Variants in GRM7 observed in about 807,000 individuals in gnomAD.
GRM7 encodes the protein glutamate metabotropic receptor 7, also known as metabotropic glutamate receptor 7.
In GRM7, 35 loss-of-function variants were observed where a neutral mutation model predicts 84.5. That is an observed-to-expected ratio of 0.41 (90% CI 0.32 to 0.55). The LOEUF (loss-of-function observed/expected upper bound fraction) is 0.55, where lower values mean the gene tolerates loss of function less well. Among genes scored for constraint, GRM7 ranks in the 20% least tolerant of loss-of-function variants. The pLI, the probability that GRM7 is intolerant of heterozygous loss-of-function variation, is 0.19. For missense variants in GRM7, 1,003 were observed against 1,194.6 expected (o/e 0.84, Z 2.36); for synonymous variants, 487 against 455.1 (o/e 1.07, Z -0.89).
chr3:6,881,728 T>C (rs1695516865), intron 1 of GRM7, among the ~76,000 whole-genome samples: 1 of 152,068 alleles, frequency 6.6e-6, no homozygotes, highest in Non-Finnish European at 1.5e-5. Context: ...AAATCAAATA[T>C]ACATTCTTAT....
chr3:6,873,375 T>C (rs1695196125), intron 1 of GRM7, among the ~76,000 whole-genome samples: 1 of 152,144 alleles, frequency 6.6e-6, no homozygotes, highest in Admixed American at 6.5e-5. Flanking sequence ...GGCCAGCCAG[T>C]AATTTTTGTA....
intron 5 of GRM7, among the ~76,000 whole-genome samples, chr3:7,418,616 G>A (rs1444634689): frequency 6.6e-6 from 1 of 152,100 alleles, no homozygotes; most frequent in Non-Finnish European, 1.5e-5. Context: ...TCACCCTTGA[G>A]ACTTGCCAGG....
intron 9 of GRM7, among the ~76,000 whole-genome samples, chr3:7,710,032 C>T (rs1655794083): frequency 6.6e-6 from 1 of 152,022 alleles, no homozygotes; most frequent in African/African-American, 2.4e-5. Flanking sequence ...AATGCTGCCC[C>T]ACTTCTTGGG....
intron 9 of GRM7, among the ~76,000 whole-genome samples, chr3:7,698,049 G>A (rs1040379364): frequency 4.6e-5 from 7 of 152,240 alleles, no homozygotes; most frequent in Non-Finnish European, 1.0e-4. Flanking sequence ...CTGCATGGAA[G>A]GCTGAGATAG....
chr3:7,248,016 C>A (rs187600557), intron 2 of GRM7, among the ~76,000 whole-genome samples: 1 of 151,988 alleles, frequency 6.6e-6, no homozygotes, highest in Non-Finnish European at 1.5e-5. Flanking sequence ...TTACACTTTA[C>A]GGGTGAGAGT....
intron 9 of GRM7, among the ~76,000 whole-genome samples, chr3:7,724,990 T>A (rs1209633223): frequency 6.6e-6 from 1 of 152,144 alleles, no homozygotes; most frequent in East Asian, 1.9e-4. Flanking sequence ...TTAGTGCCCA[T>A]GCTATTCTCA....
intron 7 of GRM7, among the ~76,000 whole-genome samples, chr3:7,473,293 C>T (rs891214418): frequency 6.6e-6 from 1 of 152,016 alleles, no homozygotes; most frequent in Non-Finnish European, 1.5e-5. Flanking sequence ...CAAAGCAAAA[C>T]CCCATCTATA....
intron 2 of GRM7, among the ~76,000 whole-genome samples, chr3:7,238,989 CT>C (rs1205736101): frequency 2.2e-5 from 2 of 91,338 alleles, no homozygotes; most frequent in Non-Finnish European, 4.6e-5. Flanking sequence ...CCTTTCTTTT[CT>C]TTTTTCCTTT....
At chr3:6,905,436 G>A (rs1012541679) in intron 1 of GRM7, among the ~76,000 whole-genome samples, 4 of 152,048 alleles carry the variant, frequency 2.6e-5, no homozygotes, top group Admixed American at 6.6e-5. Flanking sequence ...TTGATCTTTT[G>A]TCTAGCCACC....
chr3:7,209,948 G>T (rs954511969), intron 2 of GRM7, among the ~76,000 whole-genome samples: 1 of 152,106 alleles, frequency 6.6e-6, no homozygotes, highest in South Asian at 2.1e-4. Context: ...GACAAGAAGT[G>T]AAAAGACCCA....
intron 8 of GRM7, among the ~76,000 whole-genome samples, chr3:7,581,936 A>G (rs1448734139): frequency 1.6e-4 from 24 of 152,004 alleles, no homozygotes; most frequent in Admixed American, 1.5e-3. Flanking sequence ...GACCACTGCT[A>G]TCTTGTTTTA....
intron 1 of GRM7, among the ~76,000 whole-genome samples, chr3:6,943,738 T>C (rs1247286065): frequency 6.6e-6 from 1 of 152,092 alleles, no homozygotes; most frequent in East Asian, 1.9e-4. Context: ...TGTTGGGTTA[T>C]GTTTGGGGTT....
At chr3:6,994,119 A>G (rs1273093591) in intron 1 of GRM7, among the ~76,000 whole-genome samples, 2 of 152,252 alleles carry the variant, frequency 1.3e-5, no homozygotes, top group Admixed American at 1.3e-4. Context: ...ATATTGAAGT[A>G]GGAGAAGAAA....
chr3:7,484,684 G>A (rs181771097), intron 7 of GRM7, among the ~76,000 whole-genome samples: 129 of 152,264 alleles, frequency 8.5e-4, no homozygotes, highest in African/African-American at 3.0e-3. Context: ...AAAATAAAAT[G>A]TGCCTGGTAT....
chr3:6,889,140 A>G (rs906909767), intron 1 of GRM7, among the ~76,000 whole-genome samples: 44 of 152,160 alleles, frequency 2.9e-4, no homozygotes, highest in African/African-American at 8.7e-4. Flanking sequence ...GGCTGAGACA[A>G]TGGGGTTTTC....
chr3:7,713,114 ATTTTGTTTTGTTTTTTTTTTT>A (rs1265558420), intron 9 of GRM7, among the ~76,000 whole-genome samples: 5 of 129,908 alleles, frequency 3.8e-5, no homozygotes, highest in African/African-American at 1.6e-4. Context: ...GAGGATTCGA[ATTTTGTTTTGTTTTTTTTTTT>A]TTTTTTTTTT....
intron 5 of GRM7, among the ~76,000 whole-genome samples, chr3:7,433,658 A>G (rs534312416): frequency 9.2e-5 from 14 of 152,324 alleles, no homozygotes; most frequent in African/African-American, 3.4e-4. Flanking sequence ...ATCTTTTCCA[A>G]TCTCTTCTGC....
At chr3:7,516,346 G>A (rs1312918426) in intron 7 of GRM7, among the ~76,000 whole-genome samples, 1 of 148,870 alleles carries the variant, frequency 6.7e-6, no homozygotes, top group Non-Finnish European at 1.5e-5. Flanking sequence ...GCGTGGTGGT[G>A]TGCGCCTGTA....
chr3:7,265,881 C>G (rs1240699547), intron 2 of GRM7, among the ~76,000 whole-genome samples: 1 of 152,150 alleles, frequency 6.6e-6, no homozygotes, highest in Non-Finnish European at 1.5e-5. Flanking sequence ...ATGGCATAAT[C>G]TTCTTAATCC....
Sources: gnomAD v4.1 joint callset for allele counts (sites outside exome capture counted in the v4.1 genomes callset) on GRCh38, gnomAD v4.1.1 for gene constraint, MANE v1.5 for transcripts, NCBI Gene and HGNC (gene_info 2026-07-23, HGNC 2026-07-21) for gene names.